GRIP1: variants seen among roughly 807,000 people sequenced by gnomAD.
The protein encoded by GRIP1 is glutamate receptor-interacting protein 1.
Under a neutral mutation model 129.9 loss-of-function variants are expected in GRIP1, and 45 were observed. That is an observed-to-expected ratio of 0.35 (90% CI 0.27 to 0.44). GRIP1 has a LOEUF of 0.44. GRIP1 is among the 20% of genes least tolerant of loss of function. GRIP1 has a pLI of 1.00. For missense variants in GRIP1, 1,196 were observed against 1,396.8 expected (o/e 0.86, Z 2.29); for synonymous variants, 530 against 520.8 (o/e 1.02, Z -0.24).
chr12:66,792,227 T>C (rs1014822292), intron 1 of GRIP1, among the ~76,000 whole-genome samples: 2 of 152,184 alleles, frequency 1.3e-5, no homozygotes, highest in African/African-American at 4.8e-5. Flanking sequence ...GTTCATAACA[T>C]CAAACAACTC....
At chr12:66,604,770 G>A (rs2064435544) in intron 1 of GRIP1, among the ~76,000 whole-genome samples, 1 of 151,988 alleles carries the variant, frequency 6.6e-6, no homozygotes, top group South Asian at 2.1e-4. Context: ...ATGACAATTT[G>A]GTGCAAAATT....
chr12:66,882,954 T>A lies in GRIP1; in HGVS notation c.58+186096A>T, dbSNP rs147681426. On this transcript the variant is annotated intron_variant, in intron 1 of 1. Transcript: ENST00000643019. The stretch of plus-strand genomic sequence containing the variant: ...CCTTTAGTGGATTCTGGCTCCAGAA[T>A]TGGGGAAGAAAAACCACACAAGCAA... Among the ~76,000 whole-genome samples, 126 of 152,256 alleles carry A rather than the reference T, an allele frequency of 8.3e-4. 1 individual carries two copies. The East Asian group carries it at 0.022, about 27-fold the overall frequency.
intron 1 of GRIP1, among the ~76,000 whole-genome samples, chr12:66,948,008 T>A (rs2041698936): frequency 6.6e-6 from 1 of 152,168 alleles, no homozygotes; most frequent in Non-Finnish European, 1.5e-5. Context: ...CTTATCAGAC[T>A]CCTTTATAAA....
intron 1 of GRIP1, among the ~76,000 whole-genome samples, chr12:66,605,383 T>C (rs1044543320): frequency 2.0e-5 from 3 of 152,158 alleles, no homozygotes; most frequent in Non-Finnish European, 4.4e-5. Flanking sequence ...TTACATGACA[T>C]TACTGCAAAG....
At chr12:66,404,396 C>T (rs2057115167) in intron 16 of GRIP1, among the ~76,000 whole-genome samples, 1 of 152,146 alleles carries the variant, frequency 6.6e-6, no homozygotes, top group Non-Finnish European at 1.5e-5. Flanking sequence ...AAATTATATA[C>T]AGTAGACGTT....
At chr12:66,388,075 A>T (rs953590394) in intron 19 of GRIP1, among the ~76,000 whole-genome samples, 7 of 146,108 alleles carry the variant, frequency 4.8e-5, no homozygotes, top group Non-Finnish European at 1.5e-5. Context: ...AATTGTACGT[A>T]AAAAAAAAAA....
chr12:66,819,031 A>G (rs10878511), intron 1 of GRIP1, among the ~76,000 whole-genome samples: 40,361 of 152,184 alleles, frequency 0.27, 6,491 homozygotes, highest in Non-Finnish European at 0.36. Flanking sequence ...TTTTACATGT[A>G]TTTAGTTTAG....
chr12:66,454,399 G>A (rs1324958443), intron 11 of GRIP1, among the ~76,000 whole-genome samples: 1 of 152,152 alleles, frequency 6.6e-6, no homozygotes, highest in African/African-American at 2.4e-5. Context: ...AAATTTCTCT[G>A]TTTAAATCAT....
intron 1 of GRIP1, among the ~76,000 whole-genome samples, chr12:67,016,707 C>T (rs984119482): frequency 1.3e-5 from 2 of 152,004 alleles, no homozygotes; most frequent in African/African-American, 4.8e-5. Context: ...CAATTGGAGC[C>T]GTTTTTAGAA....
At chr12:67,030,481 G>C (rs1191143971) in intron 1 of GRIP1, among the ~76,000 whole-genome samples, 2 of 151,884 alleles carry the variant, frequency 1.3e-5, no homozygotes, top group African/African-American at 2.4e-5. Flanking sequence ...ACTTAACACG[G>C]CTTTTTATTG....
At chr12:66,487,129 A>C (rs933835566) in intron 7 of GRIP1, among the ~76,000 whole-genome samples, 7 of 152,156 alleles carry the variant, frequency 4.6e-5, no homozygotes, top group Admixed American at 1.3e-4. Flanking sequence ...CAGACATAGT[A>C]ACTGGGGGCA....
chr12:67,038,992 G>A (rs2043138027), intron 1 of GRIP1, among the ~76,000 whole-genome samples: 1 of 147,906 alleles, frequency 6.8e-6, no homozygotes, highest in South Asian at 2.2e-4. Context: ...ATCCCTATAT[G>A]TAATAAGAAA....
chr12:66,351,601 G>A (rs1038965756), intron 24 of GRIP1, among the ~76,000 whole-genome samples: 1 of 147,162 alleles, frequency 6.8e-6, no homozygotes, highest in Non-Finnish European at 1.5e-5. Flanking sequence ...ACCCAGGCTG[G>A]AGTACAGTGG....
At chr12:66,823,788 G>A (rs76319028) in intron 1 of GRIP1, among the ~76,000 whole-genome samples, 21,900 of 152,034 alleles carry the variant, frequency 0.14, 1,782 homozygotes, top group East Asian at 0.38. Context: ...GATTTGGGGT[G>A]ACAGCATCAT....
intron 1 of GRIP1, among the ~76,000 whole-genome samples, chr12:66,949,212 T>C (rs765353351): frequency 7.2e-5 from 11 of 152,208 alleles, no homozygotes; most frequent in Admixed American, 2.0e-4. Context: ...GGGAATCCTA[T>C]ATAATAATTT....
At position 67,043,114 on chromosome 12, in the gene GRIP1, C is replaced by T. The variant is rs146596364; in HGVS notation, c.58+25936G>A. Among the ~76,000 whole-genome samples, 35 of 152,188 alleles carry T rather than the reference C, an allele frequency of 2.3e-4. No homozygotes were observed. The East Asian group carries it at 3.5e-3, about 15-fold the overall frequency. Reference sequence around the variant, plus strand: ...AAGGCCAAGGCTGGCTCTGCAGGTGCGAGGGACTGCAGGCGAGAGTGAGGT... The same window carrying T: ...AAGGCCAAGGCTGGCTCTGCAGGTGTGAGGGACTGCAGGCGAGAGTGAGGT... On this transcript the variant is annotated intron_variant, in intron 1 of 1. Transcript: ENST00000643019.
chr12:66,985,413 A>T (rs907084306), intron 1 of GRIP1, among the ~76,000 whole-genome samples: 4 of 152,344 alleles, frequency 2.6e-5, no homozygotes, highest in African/African-American at 4.8e-5. Flanking sequence ...ATAAATAAAT[A>T]AATTAAATAA....
intron 1 of GRIP1, among the ~76,000 whole-genome samples, chr12:66,765,141 TTG>T (rs775917153): frequency 0.49 from 73,963 of 151,704 alleles, 18,382 homozygotes; most frequent in Middle Eastern, 0.67. Flanking sequence ...GAAATCACAT[TTG>T]GTCTTCCTCA....
intron 1 of GRIP1, among the ~76,000 whole-genome samples, chr12:66,624,060 ACTGTGCT>A (rs2065384220): frequency 1.3e-5 from 2 of 152,206 alleles, no homozygotes; most frequent in Admixed American, 1.3e-4. Context: ...GGTGCAACGC[ACTGTGCT>A]AGATGATGGA....
Sources: allele counts gnomAD v4.1 joint callset (sites outside exome capture counted in the v4.1 genomes callset), GRCh38; gene constraint gnomAD v4.1.1; transcripts MANE v1.5; gene names NCBI Gene and HGNC (gene_info 2026-07-23, HGNC 2026-07-21).